The following DAW1 variants were observed in gnomAD, a reference collection of about 807,000 sequenced individuals.
DAW1 encodes the protein dynein assembly factor with WD repeat domains 1.
DAW1 carries 47 observed loss-of-function variants against 56.5 expected under a neutral mutation model. That is an observed-to-expected ratio of 0.83 (90% confidence interval 0.66 to 1.06). The LOEUF (loss-of-function observed/expected upper bound fraction) is 1.06, where lower values mean the gene tolerates loss of function less well. Ranked by LOEUF, DAW1 falls within the 50% of genes least tolerant of loss-of-function variation. DAW1 has a pLI of 0.00. For missense variants in DAW1, 505 were observed against 499.3 expected, an observed-to-expected ratio of 1.01 and a Z score of -0.11; for synonymous variants, 190 against 179.0, an observed-to-expected ratio of 1.06 and a Z score of -0.49.
intron 10 of DAW1, among the ~76,000 whole-genome samples, chr2:227,911,237 T>C (rs1001816773): frequency 1.4e-5 from 2 of 138,620 alleles, no homozygotes; most frequent in Admixed American, 1.4e-4. Context: ...TGTGTATATA[T>C]ACATATATAC....
intron 6 of DAW1, among the ~76,000 whole-genome samples, chr2:227,899,224 T>C (rs1691482270): frequency 6.6e-6 from 1 of 152,260 alleles, no homozygotes; most frequent in African/African-American, 2.4e-5. Context: ...AAAATTGATC[T>C]GATTTTAACA....
rs746541095 is a variant in DAW1 at position 227,924,162 on chromosome 2, G to A, written c.*194G>A. On this transcript the variant is annotated 3_prime_UTR_variant, in exon 13 of 13. Coordinates refer to ENST00000309931, the MANE Select transcript of DAW1 (RefSeq NM_178821.3). ...TTATGCCACTCCAATATTATTATTTGATGGCGATGGCAGGACACAGCATAA... is the reference window on the plus strand; with the variant it reads ...TTATGCCACTCCAATATTATTATTTAATGGCGATGGCAGGACACAGCATAA... The A allele has an allele frequency of 2.2e-5, 14 of 637,872 alleles. No homozygotes were observed. Among genetic ancestry groups the A allele is most frequent in the Non-Finnish European group, 3.8e-5 (14 of 365,176 alleles). 39.5% of individuals were successfully genotyped at this position (637,872 alleles called of 1,614,324 possible).
chr2:227,873,175 T>C (rs1435270637), intron 1 of DAW1, among the ~76,000 whole-genome samples: 1 of 152,176 alleles, frequency 6.6e-6, no homozygotes, highest in Non-Finnish European at 1.5e-5. Context: ...CTTTTCTTCA[T>C]TCAGTTTCAA....
At chr2:227,900,939 G>C (rs1364251410) in intron 6 of DAW1, among the ~76,000 whole-genome samples, 1 of 152,232 alleles carries the variant, frequency 6.6e-6, no homozygotes, top group Non-Finnish European at 1.5e-5. Flanking sequence ...AAGGGCCATA[G>C]TATGCAGGAG....
At chr2:227,905,755 T>G (rs565664224) in intron 8 of DAW1, among the ~76,000 whole-genome samples, 2 of 152,332 alleles carry the variant, frequency 1.3e-5, no homozygotes, top group African/African-American at 2.4e-5. Flanking sequence ...AAATTATTTA[T>G]TTAGTTAGTT....
intron 10 of DAW1, among the ~76,000 whole-genome samples, chr2:227,910,629 C>G (rs1455645431): frequency 6.6e-6 from 1 of 152,018 alleles, no homozygotes; most frequent in East Asian, 1.9e-4. Flanking sequence ...TTAACAACCC[C>G]ATAAGATGCT....
chr2:227,895,885 G>A (rs1691394453), intron 5 of DAW1, among the ~76,000 whole-genome samples: 1 of 152,172 alleles, frequency 6.6e-6, no homozygotes, highest in Non-Finnish European at 1.5e-5. Context: ...AGGTCATTTA[G>A]GATGCAGATA....
At chr2:227,877,740 G>A (rs983129824) in intron 1 of DAW1, among the ~76,000 whole-genome samples, 3 of 152,232 alleles carry the variant, frequency 2.0e-5, no homozygotes, top group African/African-American at 2.4e-5. Context: ...TGCTGCTATG[G>A]AAATCTAATG....
chr2:227,915,053 C>CAG (rs1691919469), intron 10 of DAW1, among the ~76,000 whole-genome samples: 1 of 152,030 alleles, frequency 6.6e-6, no homozygotes, highest in Non-Finnish European at 1.5e-5. Flanking sequence ...AGTGATGCTA[C>CAG]ATAATGTCTG....
chr2:227,918,786 C>A lies in DAW1; in HGVS notation c.980C>A (p.Ala327Glu), dbSNP rs200012019. 4.3e-6 allele frequency: 7 copies of A among 1,613,984 alleles called. No homozygotes were observed. The Admixed American group carries it at 8.3e-5, about 19-fold the overall frequency. Residue 327 changes from alanine to glutamate, a missense_variant, in exon 11 of 13, where the codon GCA becomes GAA. Transcript: ENST00000309931. The part of the protein sequence containing the change: ...LIATASADGT[A>E]RIFSAATRKC... The stretch of plus-strand genomic sequence containing the variant: ...CCCCACCCCTCTCAAAAAGGAACAG[C>A]AAGAATTTTCAGTGCTGCCACAAGA...
intron 2 of DAW1, among the ~76,000 whole-genome samples, chr2:227,886,943 G>C (rs944775318): frequency 6.6e-6 from 1 of 152,228 alleles, no homozygotes; most frequent in African/African-American, 2.4e-5. Flanking sequence ...TAGGTTTGTG[G>C]CCTGAGACCG....
At chr2:227,875,604 C>T (rs1373566358) in intron 1 of DAW1, among the ~76,000 whole-genome samples, 1 of 152,090 alleles carries the variant, frequency 6.6e-6, no homozygotes, top group Non-Finnish European at 1.5e-5. Context: ...TCACTAGTGC[C>T]CCATATTTTT....
chr2:227,897,684 A>G (rs1691444300), intron 5 of DAW1, among the ~76,000 whole-genome samples: 1 of 152,224 alleles, frequency 6.6e-6, no homozygotes, highest in African/African-American at 2.4e-5. Flanking sequence ...AAACCCTCTT[A>G]CAACTGGAAT....
intron 11 of DAW1, among the ~76,000 whole-genome samples, chr2:227,921,031 G>A (rs551823127): frequency 2.0e-5 from 3 of 152,232 alleles, no homozygotes; most frequent in Non-Finnish European, 4.4e-5. Context: ...GGCTACGAAG[G>A]ATCCTGACTC....
rs545461586 is a variant in DAW1, at chr2:227,921,651, T to C, written c.1213+90T>C. The C allele has an allele frequency of 4.1e-5, 56 of 1,363,176 alleles. No individual in the cohort carries two copies. The Middle Eastern group carries it at 5.8e-4, about 14-fold the overall frequency. 84.4% of individuals were successfully genotyped at this position (1,363,176 alleles called of 1,614,324 possible). A position where few individuals can be genotyped will look rare whatever the true frequency, so the allele number is the denominator to read the frequency against. On this transcript the variant is annotated intron_variant, in intron 12 of 12. Coordinates refer to ENST00000309931, the MANE Select transcript of DAW1 (RefSeq NM_178821.3). ...AATACTAACAGGAGTTCATCCCCAT[T>C]CCCTACCTCTTTTCTGGAGTCACTA...
chr2:227,911,817 T>C (rs1372999718), intron 10 of DAW1, among the ~76,000 whole-genome samples: 1 of 152,176 alleles, frequency 6.6e-6, no homozygotes, highest in Non-Finnish European at 1.5e-5. Flanking sequence ...GTATGTGTTA[T>C]ATCCCTGATA....
chr2:227,920,980 G>T lies in DAW1; in HGVS notation c.1051-419G>T, dbSNP rs527407498. The stretch of plus-strand genomic sequence containing the variant: ...GGTCCTGAGCCACCGCCCCTGGCCC[G>T]GATCTGTGTGCTTTTGACCACAAAG... On this transcript the variant is annotated intron_variant, in intron 11 of 12. Transcript: ENST00000309931. 1.5e-3 allele frequency among the ~76,000 whole-genome samples: 227 copies of T among 152,204 alleles called. 1 individual carries two copies. The highest frequency in any genetic ancestry group is 5.2e-3 in the African/African-American group (217 of 41,550).
chr2:227,892,414 G>A (rs1267990374), intron 4 of DAW1, among the ~76,000 whole-genome samples: 1 of 152,182 alleles, frequency 6.6e-6, no homozygotes, highest in Admixed American at 6.5e-5. Context: ...GATTACAGGC[G>A]TGAGCCACCA....
chr2:227,891,684 C>T (rs1691270751), intron 4 of DAW1, among the ~76,000 whole-genome samples: 2 of 152,184 alleles, frequency 1.3e-5, no homozygotes, highest in Admixed American at 1.3e-4. Context: ...CTTCAAGTCT[C>T]TGTTGAGAGC....
Sources: allele counts gnomAD v4.1 joint callset (sites outside exome capture counted in the v4.1 genomes callset), GRCh38; gene constraint gnomAD v4.1.1; transcripts MANE v1.5; gene names NCBI Gene and HGNC (gene_info 2026-07-23, HGNC 2026-07-21).